CDH23: variants seen among roughly 807,000 people sequenced by gnomAD.
The protein encoded by CDH23 is cadherin related 23.
CDH23 carries 189 observed loss-of-function variants against 317.1 expected under a neutral mutation model. The observed-to-expected ratio is 0.60, with a 90% confidence interval of 0.53 to 0.67. The LOEUF is 0.67. Among genes scored for constraint, CDH23 ranks in the 30% least tolerant of loss-of-function variants. The pLI, the probability that CDH23 is intolerant of heterozygous loss-of-function variation, is 0.00. For missense variants in CDH23, 4,401 were observed against 4,592.4 expected (o/e 0.96, Z 1.20); for synonymous variants, 1,839 against 1,876.8 (o/e 0.98, Z 0.52).
At chr10:71,563,087 C>A (rs1346054076) in intron 6 of CDH23, among the ~76,000 whole-genome samples, 1 of 152,128 alleles carries the variant, frequency 6.6e-6, no homozygotes, top group East Asian at 1.9e-4. Flanking sequence ...GGGGAGGCAG[C>A]TGTTGGTATC....
At chr10:71,476,724 A>G (rs979666022) in intron 3 of CDH23, among the ~76,000 whole-genome samples, 3 of 152,242 alleles carry the variant, frequency 2.0e-5, no homozygotes, top group Non-Finnish European at 4.4e-5. Context: ...AAGAAAACAC[A>G]TGTATGATAA....
In CDH23 at chr10:71,450,019, T is replaced by TC. The variant is rs558442082; in HGVS notation, c.145+3628dup. 2.8e-3 allele frequency among the ~76,000 whole-genome samples: 421 copies of TC among 152,286 alleles called. 3 individuals carry two copies. Among genetic ancestry groups the TC allele is most frequent in the African/African-American group, 9.5e-3 (393 of 41,546 alleles). On this transcript the variant is annotated intron_variant, in intron 3 of 69. Coordinates refer to ENST00000224721, the MANE Select transcript of CDH23 (RefSeq NM_022124.6). ...CCTGGTCTGTTCACATCGCCCTGCT[T>TC]CCCCAGACAGGGCCCTGAATCCCTG...
Position 71,446,352 on chromosome 10 carries a change from C to T in CDH23, c.102C>T (p.His34=), listed in dbSNP as rs956069480. Reference sequence around the variant, plus strand: ...ACCGGCTGCCCTTCTTCACCAACCACTTCTTTGATACATACCTGCTGATCA... The same window carrying T: ...ACCGGCTGCCCTTCTTCACCAACCATTTCTTTGATACATACCTGCTGATCA... The part of the protein sequence containing the change: ...QVNRLPFFTN[H]FFDTYLLISE... Residue 34 remains histidine, a synonymous_variant, in exon 3 of 70, where the codon CAC becomes CAT. Coordinates refer to ENST00000224721, the MANE Select transcript of CDH23 (RefSeq NM_022124.6). The T allele has an allele frequency of 3.1e-6, 5 of 1,613,912 alleles. No homozygotes were observed. The highest frequency in any genetic ancestry group is 1.7e-5 in the Admixed American group (1 of 60,010).
chr10:71,769,620 C>T (rs1380554090), intron 38 of CDH23, among the ~76,000 whole-genome samples: 2 of 152,252 alleles, frequency 1.3e-5, no homozygotes, highest in African/African-American at 2.4e-5. Flanking sequence ...ACTGAGACCA[C>T]GTCACCCAAC....
At position 71,712,712 on chromosome 10, in the gene CDH23, G is replaced by T. The variant is rs368487578; in HGVS notation, c.3268G>T (p.Val1090Phe). 11 of 1,613,710 alleles carry T rather than the reference G, an allele frequency of 6.8e-6. No homozygotes were observed. Among genetic ancestry groups the T allele is most frequent in the South Asian group, 3.3e-5 (3 of 91,072 alleles). Residue 1090 changes from valine (V) to phenylalanine (F), a missense_variant, in exon 28 of 70, where the codon GTC becomes TTC. Physicochemically the swap from Val to Phe is conservative, Grantham distance 50. This residue lies in a region of CDH23 where 3,068 missense variants were observed against 3,203.3 expected (regional missense o/e 0.96). Transcript: ENST00000224721. ...KRHTGTATVFVTVLDVNDNRP... is the reference protein window; with the variant it reads ...KRHTGTATVFFTVLDVNDNRP... ...ACACACGGGCACAGCCACCGTGTTC[G>T]TCACTGTCCTGGATGTGAATGACAA...
rs551280174 is a variant in CDH23, at chr10:71,702,311, A to G, written c.2587+100A>G. 95 of 1,323,370 alleles carry G rather than the reference A, an allele frequency of 7.2e-5. No individual in the cohort carries two copies. In the South Asian group the frequency reaches 9.9e-4, roughly 14 times the overall value. 82.0% of individuals were successfully genotyped at this position (1,323,370 alleles called of 1,614,324 possible). A position where few individuals can be genotyped will look rare whatever the true frequency, so the allele number is the denominator to read the frequency against. ...TACCTGGGGCCCACCCAGGAGGTCT[A>G]TGTCTGATCACCAAGAGTAGAGTAA... On this transcript the variant is annotated intron_variant, in intron 23 of 69. Coordinates refer to ENST00000224721, the MANE Select transcript of CDH23 (RefSeq NM_022124.6).
At chr10:71,731,525 C>T (rs774489579) in intron 31 of CDH23, among the ~76,000 whole-genome samples, 24 of 152,012 alleles carry the variant, frequency 1.6e-4, no homozygotes, top group Non-Finnish European at 2.6e-4. Context: ...GAATTTGGGG[C>T]GTAGGGAGTG....
chr10:71,706,981 G>A lies in CDH23; in HGVS notation c.3038G>A (p.Arg1013Gln), dbSNP rs767888617. 20 of 1,607,468 alleles carry A rather than the reference G, an allele frequency of 1.2e-5. No homozygotes were observed. In the Admixed American group the frequency reaches 1.7e-4, roughly 14 times the overall value. Residue 1013 changes from arginine to glutamine, a missense_variant, in exon 26 of 70, where the codon CGG (arginine) becomes CAG (glutamine). Transcript: ENST00000224721. Reference sequence around the variant, plus strand: ...TCCGAGGACGTGCCACGCGAGTTCCGGGTGGTCTGGCTGAACTGCACGGAC... The same window carrying A: ...TCCGAGGACGTGCCACGCGAGTTCCAGGTGGTCTGGCTGAACTGCACGGAC... ...SVSEDVPREFRVVWLNCTDND... is the reference protein window; with the variant it reads ...SVSEDVPREFQVVWLNCTDND...
At chr10:71,570,590 C>A (rs1857723730) in intron 7 of CDH23, among the ~76,000 whole-genome samples, 200 bp from the exon 8 acceptor site, 1 of 152,228 alleles carries the variant, frequency 6.6e-6, no homozygotes, top group Non-Finnish European at 1.5e-5. Context: ...TCAGAAATCA[C>A]CATGGCTTCT....
chr10:71,678,168 C>T (rs1864453719), intron 16 of CDH23, among the ~76,000 whole-genome samples: 2 of 152,280 alleles, frequency 1.3e-5, no homozygotes, highest in South Asian at 4.1e-4. Flanking sequence ...CCACTGCCAT[C>T]TCCCTTAGCA....
In CDH23 at chr10:71,712,685, C is replaced by T. The variant is rs866435331; in HGVS notation, c.3241C>T (p.Arg1081Ter). The T allele has an allele frequency of 1.9e-6, 3 of 1,613,560 alleles. No homozygotes were observed. The highest frequency in any genetic ancestry group is 1.7e-5 in the Admixed American group (1 of 60,002). The part of the protein sequence containing the change: ...EAIDNGPVGK[R>*]HTGTATVFVT... ...CACAGACAACGGCCCTGTAGGGAAGCGACACACGGGCACAGCCACCGTGTT... is the reference window on the plus strand; with the variant it reads ...CACAGACAACGGCCCTGTAGGGAAGTGACACACGGGCACAGCCACCGTGTT... Residue 1081 changes from arginine to a stop codon, truncating the protein, a stop_gained, in exon 28 of 70, where the codon CGA becomes TGA. Transcript: ENST00000224721. LOFTEE classifies it high-confidence loss of function.
chr10:71,784,223 T>A, intron 41 of CDH23, 64 bp from the exon 42 acceptor site: 1 of 1,550,916 alleles, frequency 6.4e-7, no homozygotes, highest in African/African-American at 1.4e-5. Context: ...GCAGAAGGAG[T>A]CCTGGGGTCT....
At chr10:71,757,487 C>G (rs982193936) in intron 38 of CDH23, 2 of 152,434 alleles carry the variant, frequency 1.3e-5, no homozygotes, top group African/African-American at 4.8e-5. Flanking sequence ...CTCTGCAGAG[C>G]TCAGCCTCGC....
At chr10:71,584,719 T>C (rs1343597162) in intron 9 of CDH23, among the ~76,000 whole-genome samples, 1 of 152,180 alleles carries the variant, frequency 6.6e-6, no homozygotes, top group Non-Finnish European at 1.5e-5. Flanking sequence ...TTCAAAGCCC[T>C]TGTGATTAAG....
At chr10:71,740,696 G>C in intron 36 of CDH23, 126 bp from the exon 37 acceptor site, 1 of 1,353,664 alleles carries the variant, frequency 7.4e-7, no homozygotes, top group Non-Finnish European at 1.0e-6. Flanking sequence ...GCCACCCAGG[G>C]GTTCTCAGTG....
chr10:71,629,654 A>G lies in CDH23; in HGVS notation c.1134+12261A>G, dbSNP rs376619637. ...ATGTGATGCCTTCATGCGGTGGGCC[A>G]TTATTCAGCCATTGCAGGAGTGAAT... On this transcript the variant is annotated intron_variant, in intron 11 of 69. Coordinates refer to ENST00000224721, the MANE Select transcript of CDH23 (RefSeq NM_022124.6). Among the ~76,000 whole-genome samples, 8 of 152,204 alleles carry G rather than the reference A, an allele frequency of 5.3e-5. No homozygotes were observed. The South Asian group carries it at 1.4e-3, about 28-fold the overall frequency.
chr10:71,478,765 T>G (rs1364960993), intron 3 of CDH23, among the ~76,000 whole-genome samples: 2 of 152,208 alleles, frequency 1.3e-5, no homozygotes, highest in Non-Finnish European at 2.9e-5. Flanking sequence ...GTAACTCCAG[T>G]GGCTGTGGAG....
intron 9 of CDH23, among the ~76,000 whole-genome samples, chr10:71,596,656 G>C (rs1056295179): frequency 1.3e-5 from 2 of 152,230 alleles, no homozygotes; most frequent in African/African-American, 4.8e-5. Flanking sequence ...GGGTAACCAG[G>C]AGAGGAGCTG....
intron 14 of CDH23, among the ~76,000 whole-genome samples, chr10:71,673,978 G>A (rs966582193): frequency 6.6e-5 from 10 of 152,142 alleles, no homozygotes; most frequent in African/African-American, 2.4e-4. Context: ...AGCCTGGCTG[G>A]GGTGGTGGCG....
Sources: allele counts gnomAD v4.1 joint callset (sites outside exome capture counted in the v4.1 genomes callset), GRCh38; gene constraint gnomAD v4.1.1; regional missense constraint gnomAD v4.1.1; transcripts MANE v1.5; gene names NCBI Gene and HGNC (gene_info 2026-07-23, HGNC 2026-07-21).